Variants in FUT8 observed in about 807,000 individuals in gnomAD.
FUT8 encodes alpha-(1,6)-fucosyltransferase.
In FUT8, 29 loss-of-function variants were observed where a neutral mutation model predicts 71.3. The observed-to-expected ratio is 0.41, with a 90% confidence interval of 0.30 to 0.55. The LOEUF is 0.55. FUT8 is among the 20% of genes least tolerant of loss of function. The pLI is 0.34. For missense variants in FUT8, 544 were observed against 702.1 expected (o/e 0.77, Z 2.55); for synonymous variants, 254 against 239.3 (o/e 1.06, Z -0.57).
chr14:65,487,148 A>G (rs2066420694), intron 2 of FUT8, among the ~76,000 whole-genome samples: 1 of 152,212 alleles, frequency 6.6e-6, no homozygotes, highest in Non-Finnish European at 1.5e-5. Context: ...ATTTTTTTAT[A>G]GGGCTTTGAC....
chr14:65,633,412 C>G (rs1467860487), intron 6 of FUT8, among the ~76,000 whole-genome samples: 4 of 152,228 alleles, frequency 2.6e-5, no homozygotes, highest in Admixed American at 6.5e-5. Context: ...CCCAAAGTGC[C>G]GAGATTGCAG....
chr14:65,646,703 CT>C (rs1328810288), intron 6 of FUT8: 4 of 152,044 alleles, frequency 2.6e-5, no homozygotes, highest in Admixed American at 6.6e-5. Flanking sequence ...GTAACCTTCA[CT>C]GCCTCCTCTT....
At chr14:65,595,602 C>CTTTTTTTT (rs34129010) in intron 3 of FUT8, among the ~76,000 whole-genome samples, 46 of 81,758 alleles carry the variant, frequency 5.6e-4, no homozygotes, top group East Asian at 7.5e-4. Flanking sequence ...ACACCATTCT[C>CTTTTTTTT]TTTTTTTTTT....
At position 65,692,465 on chromosome 14, in the gene FUT8, CCA is replaced by C. The variant is rs1201167653; in HGVS notation, c.835+22987_835+22988del. Among the ~76,000 whole-genome samples the C allele has an allele frequency of 4.3e-5, 5 of 116,262 alleles. 1 individual carries two copies. The highest frequency in any genetic ancestry group is 1.8e-4 in the Admixed American group (2 of 11,178). 76.3% of individuals were successfully genotyped at this position (116,262 alleles called of 152,430 possible). On this transcript the variant is annotated intron_variant, in intron 7 of 10. Coordinates refer to ENST00000673929, the MANE Select transcript of FUT8 (RefSeq NM_001371533.1). ...CTGGCCGGGCGGGGGGCTGACCCCCCCACCTCCCTCCCAGACGGGGCGGCTGG... is the reference window on the plus strand; with the variant it reads ...CTGGCCGGGCGGGGGGCTGACCCCCCCCTCCCTCCCAGACGGGGCGGCTGG...
intron 3 of FUT8, among the ~76,000 whole-genome samples, chr14:65,577,460 TA>T (rs1429833974): frequency 6.6e-6 from 1 of 152,170 alleles, no homozygotes; most frequent in Non-Finnish European, 1.5e-5. Context: ...AAAATGGCAA[TA>T]ATATCTATTT....
At chr14:65,389,501 T>TG in the FUT8 span, among the ~76,000 whole-genome samples, 1 of 151,862 alleles carries the variant, frequency 6.6e-6, no homozygotes, top group African/African-American at 2.4e-5. Context: ...TTAGTAGAGA[T>TG]GGGGTTTCAC....
At position 65,617,338 on chromosome 14, in the gene FUT8, G is replaced by A. The variant is rs10140494; in HGVS notation, c.482+965G>A. On this transcript the variant is annotated intron_variant, in intron 5 of 10. Transcript: ENST00000673929. ...TGAATCTACAGAAATATGATAGCATGGATTTCAAGGGGCAGTGAATTATTA... is the reference window on the plus strand; with the variant it reads ...TGAATCTACAGAAATATGATAGCATAGATTTCAAGGGGCAGTGAATTATTA... 1,810 of 908,738 alleles carry A rather than the reference G, an allele frequency of 2.0e-3. 24 individuals carry two copies. The African/African-American group carries it at 0.028, about 14-fold the overall frequency. The allele number at this position is 908,738 out of a possible 1,614,324, so 56.3% of individuals were successfully genotyped here.
the FUT8 span, among the ~76,000 whole-genome samples, chr14:65,392,788 C>A: frequency 1.3e-5 from 2 of 152,084 alleles, no homozygotes; most frequent in Non-Finnish European, 2.9e-5. Context: ...CTAATCTGAG[C>A]AAAAGATTAA....
intron 2 of FUT8, among the ~76,000 whole-genome samples, chr14:65,466,715 A>AC (rs1490468285): frequency 3.3e-5 from 5 of 152,066 alleles, no homozygotes; most frequent in Admixed American, 6.5e-5. Flanking sequence ...GCACTACTGC[A>AC]CCCTAGTCTG....
intron 2 of FUT8, among the ~76,000 whole-genome samples, chr14:65,534,549 CT>C (rs71126760): frequency 1.3e-3 from 153 of 122,234 alleles, no homozygotes; most frequent in African/African-American, 3.5e-3. Context: ...GGCTGTTTTT[CT>C]TTTTTTTTTT....
intron 7 of FUT8, among the ~76,000 whole-genome samples, 176 bp from the exon 8 acceptor site, chr14:65,721,599 C>G (rs768819430): frequency 6.6e-6 from 1 of 152,188 alleles, no homozygotes; most frequent in Non-Finnish European, 1.5e-5. Flanking sequence ...GTGAAATTCA[C>G]CTCCGTCACT....
chr14:65,445,954 AGC>A (rs1337774680), intron 1 of FUT8, among the ~76,000 whole-genome samples: 4 of 152,250 alleles, frequency 2.6e-5, no homozygotes, highest in Admixed American at 1.3e-4. Context: ...TAAAATAATT[AGC>A]ACTATAATCA....
intron 1 of FUT8, among the ~76,000 whole-genome samples, chr14:65,447,642 G>A (rs2065763139): frequency 6.6e-6 from 1 of 151,854 alleles, no homozygotes; most frequent in Non-Finnish European, 1.5e-5. Flanking sequence ...TTTTTGGCGT[G>A]TTTAGTAGCA....
chr14:65,496,329 A>G (rs893467502), intron 2 of FUT8, among the ~76,000 whole-genome samples: 1 of 152,212 alleles, frequency 6.6e-6, no homozygotes, highest in African/African-American at 2.4e-5. Context: ...ACCTCAACCC[A>G]TCATAGTCCT....
At chr14:65,378,848 T>TTTG in the FUT8 span, among the ~76,000 whole-genome samples, 1 of 135,772 alleles carries the variant, frequency 7.4e-6, no homozygotes, top group South Asian at 2.6e-4. Context: ...TTTTTTTTTT[T>TTTG]TTTTTTTTTT....
intron 3 of FUT8, among the ~76,000 whole-genome samples, chr14:65,584,972 T>C (rs1421305932): frequency 1.3e-5 from 2 of 152,178 alleles, no homozygotes; most frequent in African/African-American, 4.8e-5. Flanking sequence ...TTTGGAAATA[T>C]ATATAACCTA....
intron 3 of FUT8, among the ~76,000 whole-genome samples, chr14:65,577,838 G>T (rs997964124): frequency 6.6e-6 from 1 of 152,042 alleles, no homozygotes; most frequent in African/African-American, 2.4e-5. Flanking sequence ...TAGAAGCATA[G>T]AATGGGCTTT....
the FUT8 span, among the ~76,000 whole-genome samples, chr14:65,362,502 C>T: frequency 3.3e-5 from 5 of 151,460 alleles, no homozygotes; most frequent in African/African-American, 1.2e-4. Context: ...ATAGCAAGAC[C>T]CCCATCTCAA....
At chr14:65,569,317 A>T (rs1886358054) in intron 3 of FUT8, among the ~76,000 whole-genome samples, 1 of 151,228 alleles carries the variant, frequency 6.6e-6, no homozygotes, top group African/African-American at 2.4e-5. Context: ...ATTATTTTTT[A>T]TTTTTTTCCT....
Sources: allele counts gnomAD v4.1 joint callset (sites outside exome capture counted in the v4.1 genomes callset), GRCh38; gene constraint gnomAD v4.1.1; transcripts MANE v1.5; gene names NCBI Gene and HGNC (gene_info 2026-07-23, HGNC 2026-07-21).